MAGI2: variants seen among roughly 807,000 people sequenced by gnomAD.
MAGI2 encodes membrane associated guanylate kinase, WW and PDZ domain containing 2.
Under a neutral mutation model 133.3 loss-of-function variants are expected in MAGI2, and 35 were observed. That is an observed-to-expected ratio of 0.26 (90% CI 0.20 to 0.35). The LOEUF is 0.35. Among genes scored for constraint, MAGI2 ranks in the 10% least tolerant of loss-of-function variants. MAGI2 has a pLI of 1.00. For missense variants in MAGI2, 1,636 were observed against 1,863.4 expected, an observed-to-expected ratio of 0.88 and a Z score of 2.25; for synonymous variants, 729 against 710.6, an observed-to-expected ratio of 1.03 and a Z score of -0.41.
chr7:78,079,909 C>T (rs1815765529), intron 20 of MAGI2, among the ~76,000 whole-genome samples: 2 of 152,154 alleles, frequency 1.3e-5, no homozygotes, highest in South Asian at 4.1e-4. Context: ...CTGTCAGGAA[C>T]CCTTGAATTA....
At chr7:79,210,170 T>C (rs1380431151) in intron 1 of MAGI2, among the ~76,000 whole-genome samples, 1 of 152,080 alleles carries the variant, frequency 6.6e-6, no homozygotes, top group Non-Finnish European at 1.5e-5. Flanking sequence ...GCTGCTTCTT[T>C]TATACAAATG....
chr7:78,280,015 C>A (rs1463313702), intron 9 of MAGI2, among the ~76,000 whole-genome samples: 1 of 152,128 alleles, frequency 6.6e-6, no homozygotes, highest in African/African-American at 2.4e-5. Flanking sequence ...TTAATCAAAC[C>A]CAGCTTCACC....
At chr7:79,078,887 G>T (rs112757634) in intron 1 of MAGI2, among the ~76,000 whole-genome samples, 3 of 151,966 alleles carry the variant, frequency 2.0e-5, no homozygotes, top group African/African-American at 7.2e-5. Context: ...GGCCCCAAGT[G>T]GTCCAAGCTC....
At chr7:79,219,542 T>C (rs1830281723) in intron 1 of MAGI2, among the ~76,000 whole-genome samples, 1 of 152,132 alleles carries the variant, frequency 6.6e-6, no homozygotes, top group African/African-American at 2.4e-5. Context: ...CCTTGATTGA[T>C]TGCTTTTGTA....
intron 2 of MAGI2, among the ~76,000 whole-genome samples, chr7:78,832,242 T>C (rs1382323646): frequency 6.6e-6 from 1 of 152,154 alleles, no homozygotes; most frequent in African/African-American, 2.4e-5. Context: ...ATGTAAATTA[T>C]ATTTCTGTTT....
chr7:78,373,231 A>C (rs1794106998), intron 6 of MAGI2, among the ~76,000 whole-genome samples: 1 of 152,180 alleles, frequency 6.6e-6, no homozygotes, highest in Non-Finnish European at 1.5e-5. Flanking sequence ...GAAAGAGAAA[A>C]ACTGACTGGG....
chr7:78,770,112 TG>T (rs1825430561), intron 2 of MAGI2, among the ~76,000 whole-genome samples: 1 of 152,230 alleles, frequency 6.6e-6, no homozygotes, highest in East Asian at 1.9e-4. Flanking sequence ...ATGCTTTCTT[TG>T]TAAAAACACA....
rs185341333 is a variant in MAGI2, at chr7:78,387,883, G to A, written c.1046-18670C>T. Reference sequence around the variant, plus strand: ...GGAGGTTGCAGTGATCCCAGATCACGCCACTGCACTCCAGCCTGGGCAACG... The same window carrying A: ...GGAGGTTGCAGTGATCCCAGATCACACCACTGCACTCCAGCCTGGGCAACG... On this transcript the variant is annotated intron_variant, in intron 6 of 21. Coordinates refer to ENST00000354212, the MANE Select transcript of MAGI2 (RefSeq NM_012301.4). 1.3e-3 allele frequency among the ~76,000 whole-genome samples: 199 copies of A among 151,950 alleles called. 1 individual carries two copies. Among genetic ancestry groups the A allele is most frequent in the Non-Finnish European group, 5.9e-5 (4 of 67,978 alleles).
intron 2 of MAGI2, among the ~76,000 whole-genome samples, chr7:78,955,724 T>TCTTTCTTTCTTTCTTCCTTC (rs1562712733): frequency 1.4e-4 from 3 of 20,944 alleles, no homozygotes; most frequent in African/African-American, 4.0e-4. Flanking sequence ...TCTTTCTTTC[T>TCTTTCTTTCTTTCTTCCTTC]CTTTCTTTCT....
Position 79,231,538 on chromosome 7 carries a change from T to C in MAGI2, c.301+221482A>G, listed in dbSNP as rs1042827252. On this transcript the variant is annotated intron_variant, in intron 1 of 21. Coordinates refer to ENST00000354212, the MANE Select transcript of MAGI2 (RefSeq NM_012301.4). ...CTTGTAAGTTGGATTCCTAGGTATT[T>C]TATTCTCTTTGAAGCAATTGTGAAT... 8.1e-4 allele frequency among the ~76,000 whole-genome samples: 71 copies of C among 87,650 alleles called. 2 individuals carry two copies. Among genetic ancestry groups the C allele is most frequent in the African/African-American group, 2.2e-3 (67 of 30,206 alleles). 57.5% of individuals were successfully genotyped at this position (87,650 alleles called of 152,430 possible). A position where few individuals can be genotyped will look rare whatever the true frequency, so the allele number is the denominator to read the frequency against.
chr7:79,007,620 C>G (rs186431825), intron 1 of MAGI2, among the ~76,000 whole-genome samples: 18 of 152,194 alleles, frequency 1.2e-4, no homozygotes, highest in African/African-American at 4.3e-4. Flanking sequence ...TTTGACTACT[C>G]TAGGTACCTC....
chr7:78,891,767 A>G (rs1017136849), intron 2 of MAGI2, among the ~76,000 whole-genome samples: 1 of 152,238 alleles, frequency 6.6e-6, no homozygotes, highest in African/African-American at 2.4e-5. Flanking sequence ...CCCACAGCCA[A>G]TATCATACTG....
intron 1 of MAGI2, among the ~76,000 whole-genome samples, chr7:79,096,482 T>C (rs547679714): frequency 6.6e-6 from 1 of 152,298 alleles, no homozygotes; most frequent in South Asian, 2.1e-4. Context: ...TAATCCTGCC[T>C]ACAACTTTAC....
intron 2 of MAGI2, among the ~76,000 whole-genome samples, chr7:78,990,703 T>C (rs1020604351): frequency 6.6e-6 from 1 of 152,028 alleles, no homozygotes; most frequent in African/African-American, 2.4e-5. Flanking sequence ...AATAGAAAGG[T>C]ACATTGATAT....
At chr7:79,451,075 T>C (rs1303257974) in intron 1 of MAGI2, among the ~76,000 whole-genome samples, 1 of 152,224 alleles carries the variant, frequency 6.6e-6, no homozygotes, top group Non-Finnish European at 1.5e-5. Context: ...ACATCTATAA[T>C]ACACAATAAT....
chr7:79,200,508 G>A (rs1828508472), intron 1 of MAGI2, among the ~76,000 whole-genome samples: 1 of 151,548 alleles, frequency 6.6e-6, no homozygotes, highest in East Asian at 1.9e-4. Flanking sequence ...CTACTTGGGG[G>A]GCTGAGGTGG....
intron 13 of MAGI2, among the ~76,000 whole-genome samples, chr7:78,182,572 C>T (rs1455805228): frequency 6.6e-6 from 1 of 152,076 alleles, no homozygotes; most frequent in African/African-American, 2.4e-5. Context: ...CTAGGGGAGC[C>T]TTCATTCTAC....
At chr7:78,785,359 GT>G (rs949304976) in intron 2 of MAGI2, among the ~76,000 whole-genome samples, 3 of 152,052 alleles carry the variant, frequency 2.0e-5, no homozygotes, top group Admixed American at 6.5e-5. Context: ...ATTTTTATTG[GT>G]TTTTACAGCC....
chr7:78,426,508 A>G (rs542411883), intron 6 of MAGI2, among the ~76,000 whole-genome samples: 73 of 152,268 alleles, frequency 4.8e-4, no homozygotes, highest in Middle Eastern at 3.4e-3. Flanking sequence ...CTAATGCTAG[A>G]TGACGAGTTA....
Sources: gnomAD v4.1 joint callset for allele counts (sites outside exome capture counted in the v4.1 genomes callset) on GRCh38, gnomAD v4.1.1 for gene constraint, MANE v1.5 for transcripts, NCBI Gene and HGNC (gene_info 2026-07-23, HGNC 2026-07-21) for gene names.